VAT1L: variants seen among roughly 807,000 people sequenced by gnomAD.
The protein encoded by VAT1L is putative NADPH-dependent quinone oxidoreductase VAT1L.
VAT1L carries 34 observed loss-of-function variants against 44.1 expected under a neutral mutation model. The observed-to-expected ratio is 0.77, with a 90% CI of 0.59 to 1.03. VAT1L has a LOEUF of 1.03. Among genes scored for constraint, VAT1L ranks in the 50% least tolerant of loss-of-function variants. VAT1L has a pLI of 0.00. For missense variants in VAT1L, 615 were observed against 538.8 expected (o/e 1.14, Z -1.40); for synonymous variants, 253 against 202.2 (o/e 1.25, Z -2.13).
intron 8 of VAT1L, 128 bp downstream of exon 8, chr16:77,972,061 A>G (rs2018284638): frequency 3.9e-6 from 3 of 779,002 alleles, no homozygotes; most frequent in Non-Finnish European, 6.1e-6. Context: ...GACCAGGGGT[A>G]ATCAAATGAT....
intron 3 of VAT1L, among the ~76,000 whole-genome samples, chr16:77,845,909 G>A (rs934286274): frequency 5.9e-5 from 9 of 152,134 alleles, no homozygotes; most frequent in Middle Eastern, 3.4e-3. Flanking sequence ...CCATCTGTCC[G>A]TCCATCCATC....
intron 7 of VAT1L, among the ~76,000 whole-genome samples, chr16:77,940,340 G>GT (rs66546770): frequency 0.37 from 41,532 of 112,222 alleles, 8,823 homozygotes; most frequent in East Asian, 0.58. Flanking sequence ...ATACCACTTG[G>GT]TTTTTTTTTT....
At chr16:77,921,919 A>C (rs1277606486) in intron 7 of VAT1L, among the ~76,000 whole-genome samples, 2 of 150,718 alleles carry the variant, frequency 1.3e-5, no homozygotes, top group African/African-American at 2.4e-5. Context: ...AATTTTTATA[A>C]TTTTTTTTTA....
chr16:77,915,889 G>A (rs1297980469), intron 7 of VAT1L, among the ~76,000 whole-genome samples: 2 of 152,174 alleles, frequency 1.3e-5, no homozygotes, highest in East Asian at 1.9e-4. Context: ...CAACTCCTGC[G>A]AAGTGCATTG....
chr16:77,795,813 C>CTTTTTTTTTTTTTTTTT (rs56725954), intron 1 of VAT1L, among the ~76,000 whole-genome samples: 1 of 100,582 alleles, frequency 9.9e-6, no homozygotes, highest in African/African-American at 3.8e-5. Flanking sequence ...CCTTTTTTCT[C>CTTTTTTTTTTTTTTTTT]TTTTTTTTTT....
At chr16:77,793,906 A>T (rs1334406541) in intron 1 of VAT1L, among the ~76,000 whole-genome samples, 2 of 152,220 alleles carry the variant, frequency 1.3e-5, no homozygotes, top group Non-Finnish European at 2.9e-5. Flanking sequence ...CCAGGAACTG[A>T]GTTGGCTGCA....
intron 4 of VAT1L, among the ~76,000 whole-genome samples, chr16:77,867,170 T>C (rs1224145077): frequency 6.6e-6 from 1 of 152,176 alleles, no homozygotes; most frequent in Admixed American, 6.5e-5. Context: ...TGGAGGTGTG[T>C]GAGTCTGTCA....
At chr16:77,958,486 C>G (rs939723795) in intron 7 of VAT1L, among the ~76,000 whole-genome samples, 2 of 152,204 alleles carry the variant, frequency 1.3e-5, no homozygotes, top group Non-Finnish European at 2.9e-5. Context: ...GAATCAGCAT[C>G]CCCTGAGTGT....
chr16:77,788,904 C>T lies in VAT1L; in HGVS notation c.222C>T (p.Arg74=). 1 of 1,525,576 alleles carries T rather than the reference C, an allele frequency of 6.6e-7. No individual in the cohort carries two copies. The allele number at this position is 1,525,576 out of a possible 1,614,324, so 94.5% of individuals were successfully genotyped here. Residue 74 remains arginine, a synonymous_variant, in exon 1 of 9, where the codon CGC becomes CGT. Coordinates refer to ENST00000302536, the MANE Select transcript of VAT1L (RefSeq NM_020927.3). ...CTCAGGACGGCGAGCTCAAGATCCG[C>T]GTCAAAGCCTGGTCCAGTATCCGCG... ...PEPQDGELKI[R]VKACGLNFID...
At chr16:77,906,470 A>AC (rs2017437982) in intron 7 of VAT1L, among the ~76,000 whole-genome samples, 2 of 152,210 alleles carry the variant, frequency 1.3e-5, no homozygotes, top group African/African-American at 4.8e-5. Context: ...GGATCGCCTC[A>AC]AATCAGAGCC....
intron 7 of VAT1L, among the ~76,000 whole-genome samples, chr16:77,970,796 A>G (rs2018270647): frequency 6.6e-6 from 1 of 152,222 alleles, no homozygotes; most frequent in Non-Finnish European, 1.5e-5. Flanking sequence ...CCAAATGTGT[A>G]GAAGTCTTCG....
intron 3 of VAT1L, among the ~76,000 whole-genome samples, chr16:77,842,176 C>A (rs191386696): frequency 6.6e-6 from 1 of 152,128 alleles, no homozygotes; most frequent in South Asian, 2.1e-4. Flanking sequence ...CGTGAGCCAC[C>A]GCGCCCAGTC....
intron 1 of VAT1L, among the ~76,000 whole-genome samples, chr16:77,795,261 T>C (rs2015906817): frequency 9.0e-6 from 1 of 111,280 alleles, no homozygotes; most frequent in Admixed American, 1.1e-4. Flanking sequence ...GAAGCAATAA[T>C]TGGTAGAATT....
intron 7 of VAT1L, among the ~76,000 whole-genome samples, chr16:77,917,527 G>C (rs2017564226): frequency 6.6e-6 from 1 of 152,008 alleles, no homozygotes; most frequent in African/African-American, 2.4e-5. Context: ...AATTAAGAAA[G>C]CACTTTTTCA....
At chr16:77,802,595 C>A (rs1281412121) in intron 1 of VAT1L, among the ~76,000 whole-genome samples, 1 of 149,300 alleles carries the variant, frequency 6.7e-6, no homozygotes, top group Non-Finnish European at 1.5e-5. Context: ...GTCTGGGCAA[C>A]AGAGCGAGAC....
intron 1 of VAT1L, among the ~76,000 whole-genome samples, chr16:77,792,996 A>G (rs1210027368): frequency 2.6e-5 from 4 of 152,202 alleles, no homozygotes; most frequent in Non-Finnish European, 5.9e-5. Flanking sequence ...TTATTATTCA[A>G]ACTGGAACTC....
intron 7 of VAT1L, among the ~76,000 whole-genome samples, chr16:77,917,834 A>G (rs1394473681): frequency 6.6e-6 from 1 of 152,182 alleles, no homozygotes; most frequent in Non-Finnish European, 1.5e-5. Flanking sequence ...TACATGATTT[A>G]CAAGGATTCT....
intron 1 of VAT1L, among the ~76,000 whole-genome samples, chr16:77,797,403 G>A (rs902336271): frequency 6.6e-6 from 1 of 152,100 alleles, no homozygotes; most frequent in Admixed American, 6.6e-5. Context: ...GAGCCACCGC[G>A]CCCAGCAATT....
At chr16:77,915,381 G>A (rs189108149) in intron 7 of VAT1L, among the ~76,000 whole-genome samples, 35 of 152,248 alleles carry the variant, frequency 2.3e-4, no homozygotes, top group African/African-American at 7.2e-4. Context: ...ACATTTATCT[G>A]CACACCAGTG....
Sources: allele counts gnomAD v4.1 joint callset (sites outside exome capture counted in the v4.1 genomes callset), GRCh38; gene constraint gnomAD v4.1.1; transcripts MANE v1.5; gene names NCBI Gene and HGNC (gene_info 2026-07-23, HGNC 2026-07-21).